Variants in EPHA6 observed in about 807,000 individuals in gnomAD.
The protein encoded by EPHA6 is ephrin type-A receptor 6.
In EPHA6, 50 loss-of-function variants were observed where a neutral mutation model predicts 112.0. The observed-to-expected ratio is 0.45, with a 90% CI of 0.36 to 0.56. The LOEUF (loss-of-function observed/expected upper bound fraction) is 0.56. Ranked by LOEUF, EPHA6 falls within the 20% of genes least tolerant of loss-of-function variation. EPHA6 has a pLI of 0.00. For missense variants in EPHA6, 1,280 were observed against 1,417.4 expected (o/e 0.90, Z 1.56); for synonymous variants, 529 against 490.7 (o/e 1.08, Z -1.03).
Position 96,940,500 on chromosome 3 carries a change from G to A in EPHA6, c.451-46830G>A, listed in dbSNP as rs145107341. ...TTTGAGCCTGTGTGTTTCTCTGCAC[G>A]TGAGATGGGTTTCCTGAATACAGCA... On this transcript the variant is annotated intron_variant, in intron 2 of 17. Transcript: ENST00000389672. 9.5e-3 allele frequency among the ~76,000 whole-genome samples: 1,446 copies of A among 152,182 alleles called. 23 individuals carry two copies. The highest frequency in any genetic ancestry group is 0.034 in the African/African-American group (1,392 of 41,512).
At chr3:97,486,829 A>T (rs1440608309) in intron 10 of EPHA6, among the ~76,000 whole-genome samples, 2 of 152,210 alleles carry the variant, frequency 1.3e-5, no homozygotes, top group South Asian at 4.1e-4. Flanking sequence ...TGGACAAAAC[A>T]TTGCTCAAAT....
chr3:97,164,367 A>C (rs989426501), intron 3 of EPHA6, among the ~76,000 whole-genome samples: 1 of 152,144 alleles, frequency 6.6e-6, no homozygotes, highest in Non-Finnish European at 1.5e-5. Flanking sequence ...TCATATATTC[A>C]GGCATTAGTA....
chr3:96,953,807 G>A (rs1319326974), intron 2 of EPHA6, among the ~76,000 whole-genome samples: 1 of 151,966 alleles, frequency 6.6e-6, no homozygotes, highest in African/African-American at 2.4e-5. Context: ...ATCTTAAAAT[G>A]GAATTGTTAT....
intron 11 of EPHA6, among the ~76,000 whole-genome samples, chr3:97,589,699 A>G (rs568779196): frequency 1.2e-4 from 18 of 152,288 alleles, no homozygotes; most frequent in Admixed American, 3.3e-4. Context: ...GAGTTTTAGA[A>G]TATTGTATGT....
rs901852015 is a variant in EPHA6 at position 97,750,231 on chromosome 3, G to A, written c.*1530G>A. On this transcript the variant is annotated 3_prime_UTR_variant, in exon 18 of 18. Coordinates refer to ENST00000389672, the MANE Select transcript of EPHA6 (RefSeq NM_001080448.3). Reference sequence around the variant, plus strand: ...AAATTAGCTTTTGTTGGATCTCAGTGATAATGGTGCCCTACCTACCCTAAT... The same window carrying A: ...AAATTAGCTTTTGTTGGATCTCAGTAATAATGGTGCCCTACCTACCCTAAT... Among the ~76,000 whole-genome samples, 1 of 151,354 alleles carries A rather than the reference G, an allele frequency of 6.6e-6. No homozygotes were observed. Among genetic ancestry groups the A allele is most frequent in the Non-Finnish European group, 1.5e-5 (1 of 67,900 alleles).
At chr3:97,096,537 TA>T (rs2047244033) in intron 3 of EPHA6, among the ~76,000 whole-genome samples, 1 of 152,026 alleles carries the variant, frequency 6.6e-6, no homozygotes, top group South Asian at 2.1e-4. Context: ...ATGACTTTTC[TA>T]AACCACTGAA....
intron 14 of EPHA6, among the ~76,000 whole-genome samples, chr3:97,685,443 C>G (rs538548683): frequency 1.3e-5 from 2 of 152,150 alleles, no homozygotes. Flanking sequence ...CCTCCCAAAC[C>G]TTAGTCACTA....
chr3:97,359,459 T>A (rs1329404674), intron 5 of EPHA6, among the ~76,000 whole-genome samples: 1 of 151,924 alleles, frequency 6.6e-6, no homozygotes, highest in African/African-American at 2.4e-5. Context: ...ATTGTTTTTT[T>A]TTTTTAATTC....
chr3:97,687,096 C>A (rs1303096540), intron 14 of EPHA6, among the ~76,000 whole-genome samples: 2 of 152,170 alleles, frequency 1.3e-5, no homozygotes, highest in East Asian at 1.9e-4. Context: ...CCTGCAATAT[C>A]TTTCCTGCTC....
At chr3:96,996,866 C>G (rs2043443330) in intron 3 of EPHA6, among the ~76,000 whole-genome samples, 1 of 152,040 alleles carries the variant, frequency 6.6e-6, no homozygotes, top group African/African-American at 2.4e-5. Flanking sequence ...TCCAGCCTGT[C>G]CTTTGAAGCT....
rs144500480 is a variant in EPHA6 at position 97,114,372 on chromosome 3, A to T, written c.1115-111892A>T. ...TAATTTCACCAGCAAATATGGCTAAATTTACTGTATCATTAGAGTTACTTG... is the reference window on the plus strand; with the variant it reads ...TAATTTCACCAGCAAATATGGCTAATTTTACTGTATCATTAGAGTTACTTG... On this transcript the variant is annotated intron_variant, in intron 3 of 17. Transcript: ENST00000389672. 8.0e-3 allele frequency among the ~76,000 whole-genome samples: 1,222 copies of T among 152,212 alleles called. 16 individuals carry two copies. The highest frequency in any genetic ancestry group is 0.028 in the African/African-American group (1,150 of 41,546).
intron 3 of EPHA6, among the ~76,000 whole-genome samples, chr3:97,217,979 A>T (rs1002489397): frequency 1.3e-5 from 2 of 152,158 alleles, no homozygotes; most frequent in African/African-American, 4.8e-5. Context: ...TAATCATTTA[A>T]AAATATAAAG....
intron 2 of EPHA6, among the ~76,000 whole-genome samples, chr3:96,983,378 G>T (rs1195414992): frequency 1.3e-5 from 2 of 152,076 alleles, no homozygotes; most frequent in African/African-American, 2.4e-5. Context: ...TTGAATATTG[G>T]CCCCCACTCT....
At chr3:97,175,247 T>C (rs2076805396) in intron 3 of EPHA6, among the ~76,000 whole-genome samples, 1 of 152,008 alleles carries the variant, frequency 6.6e-6, no homozygotes, top group African/African-American at 2.4e-5. Context: ...TTATTTTCCA[T>C]TGGTCTATGT....
intron 5 of EPHA6, among the ~76,000 whole-genome samples, chr3:97,327,135 CA>C (rs753080834): frequency 1.3e-5 from 2 of 151,464 alleles, no homozygotes; most frequent in Non-Finnish European, 3.0e-5. Context: ...TTGAATTAAA[CA>C]GGAATGTTTA....
At chr3:96,952,297 A>G (rs1559618683) in intron 2 of EPHA6, among the ~76,000 whole-genome samples, 1 of 152,208 alleles carries the variant, frequency 6.6e-6, no homozygotes, top group East Asian at 1.9e-4. Flanking sequence ...TCCCACTGAA[A>G]CTCATGTTGC....
chr3:97,586,842 G>A (rs1263446097), intron 11 of EPHA6, among the ~76,000 whole-genome samples: 7 of 152,116 alleles, frequency 4.6e-5, no homozygotes, highest in East Asian at 1.9e-4. Flanking sequence ...TTATCTTTGC[G>A]CTTTGAAGTT....
intron 1 of EPHA6, among the ~76,000 whole-genome samples, chr3:96,835,943 AC>A (rs1402062772): frequency 6.6e-6 from 1 of 152,118 alleles, no homozygotes; most frequent in Non-Finnish European, 1.5e-5. Context: ...CAAGAATGTC[AC>A]AGTATTAAGG....
intron 3 of EPHA6, among the ~76,000 whole-genome samples, chr3:97,203,916 T>C (rs1344073375): frequency 6.6e-6 from 1 of 152,150 alleles, no homozygotes; most frequent in African/African-American, 2.4e-5. Flanking sequence ...CGCACCAGCG[T>C]GGCACATGTA....
Sources: gnomAD v4.1 joint callset for allele counts (sites outside exome capture counted in the v4.1 genomes callset) on GRCh38, gnomAD v4.1.1 for gene constraint, MANE v1.5 for transcripts, NCBI Gene and HGNC (gene_info 2026-07-23, HGNC 2026-07-21) for gene names.